MCM6: variants seen among roughly 807,000 people sequenced by gnomAD.
MCM6 encodes the protein minichromosome maintenance complex component 6.
A neutral mutation model predicts 94.3 loss-of-function variants in MCM6; 46 were observed. That is an observed-to-expected ratio of 0.49 (90% CI 0.39 to 0.62). The LOEUF (loss-of-function observed/expected upper bound fraction) is 0.62, where lower values mean the gene tolerates loss of function less well. Among genes scored for constraint, MCM6 ranks in the 20% least tolerant of loss-of-function variants. The pLI is 0.00. For missense variants in MCM6, 865 were observed against 1,017.9 expected, an observed-to-expected ratio of 0.85 and a Z score of 2.04; for synonymous variants, 335 against 351.9, an observed-to-expected ratio of 0.95 and a Z score of 0.54.
intron 16 of MCM6, among the ~76,000 whole-genome samples, chr2:135,841,946 A>T (rs1203098541): frequency 1.3e-5 from 2 of 152,052 alleles, no homozygotes; most frequent in Non-Finnish European, 2.9e-5. Context: ...CTCTACTAAA[A>T]ATACAAAAAT....
chr2:135,864,948 C>T (rs1043459178), intron 7 of MCM6, 65 bp downstream of exon 7: 4 of 1,224,336 alleles, frequency 3.3e-6, no homozygotes, highest in East Asian at 2.7e-5. Flanking sequence ...TCAGAAATCA[C>T]CTGTGGCTGT....
chr2:135,848,319 G>T, intron 13 of MCM6, 131 bp from the exon 14 acceptor site: 1 of 583,142 alleles, frequency 1.7e-6, no homozygotes, highest in Non-Finnish European at 3.0e-6. Context: ...TGTTGCTTTG[G>T]TTTTCTCACA....
chr2:135,851,666 T>G, intron 12 of MCM6, 103 bp from the exon 13 acceptor site: 1 of 967,012 alleles, frequency 1.0e-6, no homozygotes. Flanking sequence ...TTAGGGAACC[T>G]GAGAGGGTTG....
At chr2:135,849,951 GT>G (rs1418525834) in intron 13 of MCM6, among the ~76,000 whole-genome samples, 3 of 152,058 alleles carry the variant, frequency 2.0e-5, no homozygotes. Flanking sequence ...AAATATATTT[GT>G]GTATATAATT....
intron 13 of MCM6, among the ~76,000 whole-genome samples, chr2:135,850,602 T>C (rs1011931639): frequency 8.5e-5 from 13 of 152,176 alleles, no homozygotes; most frequent in African/African-American, 3.1e-4. Flanking sequence ...GAAAATTTAG[T>C]GGAAAAAAGC....
chr2:135,864,931 T>C, intron 7 of MCM6, 82 bp downstream of exon 7: 4 of 1,118,976 alleles, frequency 3.6e-6, no homozygotes, highest in East Asian at 2.7e-5. Context: ...GTCTGATTTA[T>C]GTGCTTTCAG....
Position 135,866,857 on chromosome 2 carries a change from G to A in MCM6, c.616-129C>T, listed in dbSNP as rs569201414. 12 of 663,160 alleles carry A rather than the reference G, an allele frequency of 1.8e-5. No homozygotes were observed. The East Asian group carries it at 3.3e-4, about 18-fold the overall frequency. The allele number at this position is 663,160 out of a possible 1,614,324, so 41.1% of individuals were successfully genotyped here. ...TGACCCATTAGCAGACTTTTCACAT[G>A]TACCAACATTTATCCTAAAAATTAT... On this transcript the variant is annotated intron_variant, in intron 4 of 16. Transcript: ENST00000264156.
At chr2:135,857,645 G>T (rs1444493692) in intron 10 of MCM6, among the ~76,000 whole-genome samples, 3 of 151,838 alleles carry the variant, frequency 2.0e-5, no homozygotes, top group Non-Finnish European at 4.4e-5. Context: ...GTTATAATTG[G>T]AGCATGCTTT....
chr2:135,843,779 G>A (rs1424170043), intron 16 of MCM6, among the ~76,000 whole-genome samples: 4 of 151,316 alleles, frequency 2.6e-5, no homozygotes, highest in African/African-American at 9.7e-5. Flanking sequence ...GACTAAGAGG[G>A]AATAACCAGT....
rs190722505 is a variant in MCM6, at chr2:135,852,999, C to T, written c.1627-84G>A. 2.3e-4 allele frequency: 290 copies of T among 1,272,434 alleles called. 3 individuals are homozygous for T. In the Middle Eastern group the frequency reaches 4.0e-3, roughly 18 times the overall value. 78.8% of individuals were successfully genotyped at this position (1,272,434 alleles called of 1,614,324 possible). A position where few individuals can be genotyped will look rare whatever the true frequency, so the allele number is the denominator to read the frequency against. ...CCAGGCAATAAGAAATGATTTATCG[C>T]CAAAAACAAGCTCTAATATACCACT... On this transcript the variant is annotated intron_variant, in intron 11 of 16. Transcript: ENST00000264156.
chr2:135,846,398 T>G lies in MCM6; in HGVS notation c.2054-6A>C. The G allele has an allele frequency of 6.2e-7, 1 of 1,613,684 alleles. No homozygotes were observed. Among genetic ancestry groups the G allele is most frequent in the South Asian group, 1.1e-5 (1 of 91,052 alleles). On this transcript the variant is annotated splice_polypyrimidine_tract_variant and splice_region_variant and intron_variant, in intron 14 of 16. Transcript: ENST00000264156. ...AGCAGGGCTGTCAGCATGACCTAAGTGAAAAATTGACCACCTGAATCTTAT... is the reference window on the plus strand; with the variant it reads ...AGCAGGGCTGTCAGCATGACCTAAGGGAAAAATTGACCACCTGAATCTTAT...
chr2:135,873,615 TTC>T (rs752816945), intron 1 of MCM6, among the ~76,000 whole-genome samples: 28 of 152,242 alleles, frequency 1.8e-4, no homozygotes, highest in Non-Finnish European at 3.2e-4. Flanking sequence ...ATACAGCATG[TTC>T]TGACTCCTTA....
At chr2:135,860,534 T>A (rs540493840) in intron 8 of MCM6, among the ~76,000 whole-genome samples, 1 of 152,154 alleles carries the variant, frequency 6.6e-6, no homozygotes, top group African/African-American at 2.4e-5. Context: ...AAACTAGATA[T>A]GGGGCTTATT....
In MCM6 at chr2:135,868,645, T is replaced by C. The variant is rs1016975091; in HGVS notation, c.581A>G (p.Asp194Gly). 1 of 1,614,168 alleles carries C rather than the reference T, an allele frequency of 6.2e-7. No homozygotes were observed. Among genetic ancestry groups the C allele is most frequent in the South Asian group, 1.1e-5 (1 of 91,088 alleles). Residue 194 changes from aspartate (D) to glycine (G), a missense_variant, in exon 4 of 17, where the codon GAT (aspartate) becomes GGT (glycine). Physicochemically the swap from Asp to Gly is moderately conservative, Grantham distance 94. This residue lies in a region of MCM6 where 404 missense variants were observed against 451.9 expected (regional missense o/e 0.89). Transcript: ENST00000264156. ...ATCAACAAATCTTGATTTATTTGTA[T>C]CCAGTAAGAATCTCCTCCTGTTGGC... ...VCANRRRFLLDTNKSRFVDFQ... is the reference protein window; with the variant it reads ...VCANRRRFLLGTNKSRFVDFQ...
intron 11 of MCM6, among the ~76,000 whole-genome samples, chr2:135,853,172 T>C (rs1370588511): frequency 6.6e-6 from 1 of 152,156 alleles, no homozygotes; most frequent in Non-Finnish European, 1.5e-5. Flanking sequence ...TAGGGTAAAG[T>C]GCAGTGGCTC....
intron 13 of MCM6, 21 bp downstream of exon 13, chr2:135,851,381 A>T (rs776103458): frequency 6.3e-7 from 1 of 1,595,620 alleles, no homozygotes; most frequent in African/African-American, 1.3e-5. Flanking sequence ...TGCTCTCATC[A>T]TATCAAAGTG....
chr2:135,845,265 G>A (rs1022839427), intron 15 of MCM6, among the ~76,000 whole-genome samples: 2 of 152,156 alleles, frequency 1.3e-5, no homozygotes, highest in African/African-American at 4.8e-5. Flanking sequence ...GAAAGTCCTG[G>A]TAAGAACCCT....
intron 7 of MCM6, among the ~76,000 whole-genome samples, chr2:135,864,704 A>G (rs1004197467): frequency 6.6e-6 from 1 of 152,228 alleles, no homozygotes; most frequent in Non-Finnish European, 1.5e-5. Flanking sequence ...ATTATGTTGT[A>G]TAACTGTCAC....
At position 135,863,560 on chromosome 2, in the gene MCM6, TA is replaced by T. The variant is rs949217012; in HGVS notation, c.1079-813del. 3.0e-4 allele frequency among the ~76,000 whole-genome samples: 44 copies of T among 148,948 alleles called. No individual in the cohort carries two copies. In the East Asian group the frequency reaches 4.5e-3, roughly 15 times the overall value. ...AGGCAACACGGTAAAACCCCATCTC[TA>T]AAAAAAAAAATTTTTTTTAATTAGC... On this transcript the variant is annotated intron_variant, in intron 7 of 16. Transcript: ENST00000264156.
Sources: gnomAD v4.1 joint callset for allele counts (sites outside exome capture counted in the v4.1 genomes callset) on GRCh38, gnomAD v4.1.1 for gene constraint, gnomAD v4.1.1 regional missense constraint, MANE v1.5 for transcripts, NCBI Gene and HGNC (gene_info 2026-07-23, HGNC 2026-07-21) for gene names.